Variants in AHCY observed in about 807,000 individuals in gnomAD.
The protein encoded by AHCY is S-adenosyl-L-homocysteine hydrolase.
Under a neutral mutation model 45.4 loss-of-function variants are expected in AHCY, and 24 were observed. The observed-to-expected ratio is 0.53, with a 90% CI of 0.38 to 0.74. The LOEUF (loss-of-function observed/expected upper bound fraction) is 0.74, where lower values mean the gene tolerates loss of function less well. AHCY is among the 30% of genes least tolerant of loss of function. The pLI, the probability that AHCY is intolerant of heterozygous loss-of-function variation, is 0.00. For synonymous variants in AHCY, 245 were observed against 235.1 expected, an observed-to-expected ratio of 1.04 and a Z score of -0.39; for missense variants, 449 against 594.1, an observed-to-expected ratio of 0.76 and a Z score of 2.54.
chr20:34,235,900 A>AGC, the AHCY span, among the ~76,000 whole-genome samples: 18 of 73,312 alleles, frequency 2.5e-4, 1 homozygote, highest in African/African-American at 4.1e-3. Flanking sequence ...GAAGGAAGGA[A>AGC]AGGAAGGAAG....
chr20:34,252,044 C>T, the AHCY span, among the ~76,000 whole-genome samples: 2 of 152,244 alleles, frequency 1.3e-5, no homozygotes, highest in South Asian at 2.1e-4. Context: ...ATTCATATAA[C>T]AAATTTTTGT....
chr20:34,289,874 G>A (rs2036314859), intron 8 of AHCY, among the ~76,000 whole-genome samples: 1 of 152,004 alleles, frequency 6.6e-6, no homozygotes, highest in Non-Finnish European at 1.5e-5. Context: ...GCCCATCTCG[G>A]CCTTCCAAAG....
the AHCY span, among the ~76,000 whole-genome samples, chr20:34,235,873 G>A: frequency 2.5e-5 from 2 of 80,992 alleles, no homozygotes; most frequent in Non-Finnish European, 2.2e-5. Flanking sequence ...AGGAAAGGAA[G>A]GAAGGAAGGA....
intron 4 of AHCY, among the ~76,000 whole-genome samples, chr20:34,291,744 G>A (rs1459970959): frequency 6.6e-6 from 1 of 152,210 alleles, no homozygotes; most frequent in African/African-American, 2.4e-5. Flanking sequence ...CTCTGCCTCC[G>A]AACAACTCCC....
Position 34,295,448 on chromosome 20 carries a change from T to C in AHCY, c.166A>G (p.Met56Val), listed in dbSNP as rs201585902. 17 of 1,614,126 alleles carry C rather than the reference T, an allele frequency of 1.1e-5. No homozygotes were observed. In the Admixed American group the frequency reaches 1.2e-4, roughly 11 times the overall value. ...ATGAGGACGGCCGTCTCCACGGTCA[T>C]GTGCAGGCAGCCAGCGATGCGGGCG... ...KGARIAGCLHMTVETAVLIET... is the reference protein window; with the variant it reads ...KGARIAGCLHVTVETAVLIET... Residue 56 changes from methionine (M) to valine (V), a missense_variant, in exon 2 of 10, where the codon ATG becomes GTG. Physicochemically the swap from Met to Val is conservative, Grantham distance 21. Coordinates refer to ENST00000217426, the MANE Select transcript of AHCY (RefSeq NM_000687.4).
intron 3 of AHCY, among the ~76,000 whole-genome samples, chr20:34,293,217 A>C (rs819156): frequency 0.87 from 132,392 of 152,002 alleles, 57,740 homozygotes; most frequent in Admixed American, 0.91. Context: ...GGCCACTCTA[A>C]ATGAAATTCC....
chr20:34,245,333 C>CAA, the AHCY span, among the ~76,000 whole-genome samples: 11 of 63,572 alleles, frequency 1.7e-4, no homozygotes, highest in East Asian at 5.1e-4. Flanking sequence ...GACTCTGTCT[C>CAA]AAAAAAAAAA....
chr20:34,280,982 G>C lies in AHCY; in HGVS notation c.*52C>G. The C allele has an allele frequency of 6.2e-7, 1 of 1,612,206 alleles. No individual in the cohort carries two copies. The highest frequency in any genetic ancestry group is 8.5e-7 in the Non-Finnish European group (1 of 1,179,390). ...GTGCCATTAGCTCTTAGGGAGGAGA[G>C]GTGGGGCCTGGGCAAGGACAGCAGC... On this transcript the variant is annotated 3_prime_UTR_variant, in exon 10 of 10. Coordinates refer to ENST00000217426, the MANE Select transcript of AHCY (RefSeq NM_000687.4).
At chr20:34,270,885 T>A in the AHCY span, among the ~76,000 whole-genome samples, 29 of 152,298 alleles carry the variant, frequency 1.9e-4, no homozygotes, top group African/African-American at 5.5e-4. Flanking sequence ...CTCAAACTCC[T>A]GGCCTCAAGC....
At chr20:34,244,031 C>G in the AHCY span, among the ~76,000 whole-genome samples, 1 of 152,206 alleles carries the variant, frequency 6.6e-6, no homozygotes. Flanking sequence ...CGCCACTGCA[C>G]TCCAGCCTGG....
chr20:34,235,842 AAG>A, the AHCY span, among the ~76,000 whole-genome samples: 13 of 37,316 alleles, frequency 3.5e-4, no homozygotes, highest in African/African-American at 4.3e-3. Context: ...AGAAAGAAAG[AAG>A]GAAGGAAGGA....
At chr20:34,258,700 A>ACACACATAC in the AHCY span, among the ~76,000 whole-genome samples, 11 of 77,922 alleles carry the variant, frequency 1.4e-4, 3 homozygotes, top group South Asian at 1.7e-3. Context: ...TACATACTAT[A>ACACACATAC]TATATATATT....
At chr20:34,274,505 C>A in the AHCY span, among the ~76,000 whole-genome samples, 1 of 150,482 alleles carries the variant, frequency 6.6e-6, no homozygotes, top group Admixed American at 6.6e-5. Context: ...CCATGTGACT[C>A]CCCAGCTCTC....
At position 34,303,303 on chromosome 20, in the gene AHCY, G is replaced by T; in HGVS notation, c.-33C>A. ...GCACTCGTGATGGAAACGGGCGAAG[G>T]GGGCTGGGCCTCAGTCTGGGAACAG... On this transcript the variant is annotated 5_prime_UTR_variant, in exon 1 of 10. Coordinates refer to ENST00000217426, the MANE Select transcript of AHCY (RefSeq NM_000687.4). 1 of 1,551,742 alleles carries T rather than the reference G, an allele frequency of 6.4e-7. No homozygotes were observed. Among genetic ancestry groups the T allele is most frequent in the Non-Finnish European group, 8.7e-7 (1 of 1,146,982 alleles).
At chr20:34,235,269 G>A in the AHCY span, among the ~76,000 whole-genome samples, 384 of 152,118 alleles carry the variant, frequency 2.5e-3, 1 homozygote, top group African/African-American at 8.9e-3. Flanking sequence ...GTGAAACCCC[G>A]TCTCTACTAA....
chr20:34,296,915 C>T (rs2036593367), intron 1 of AHCY, among the ~76,000 whole-genome samples: 1 of 152,148 alleles, frequency 6.6e-6, no homozygotes, highest in African/African-American at 2.4e-5. Context: ...AGATGAAACA[C>T]GCCTCCCGCA....
the AHCY span, among the ~76,000 whole-genome samples, chr20:34,266,332 A>G: frequency 6.6e-6 from 1 of 151,266 alleles, no homozygotes; most frequent in Non-Finnish European, 1.5e-5. Context: ...CCTGGGTGAC[A>G]GAGCGAGACT....
the AHCY span, among the ~76,000 whole-genome samples, chr20:34,247,488 C>T: frequency 2.0e-5 from 3 of 151,470 alleles, no homozygotes; most frequent in Admixed American, 6.6e-5. Flanking sequence ...TTTGTAGAGA[C>T]GAGGTTTCAT....
chr20:34,265,313 A>G, the AHCY span, among the ~76,000 whole-genome samples: 2 of 151,986 alleles, frequency 1.3e-5, no homozygotes, highest in African/African-American at 4.8e-5. Flanking sequence ...ACTTGAGTCC[A>G]GGAATTCAAG....
Sources: allele counts gnomAD v4.1 joint callset (sites outside exome capture counted in the v4.1 genomes callset), GRCh38; gene constraint gnomAD v4.1.1; transcripts MANE v1.5; gene names NCBI Gene and HGNC (gene_info 2026-07-23, HGNC 2026-07-21).